The following GPR158 variants were observed in gnomAD, a reference collection of about 807,000 sequenced individuals.
GPR158 encodes the protein metabotropic glycine receptor.
A neutral mutation model predicts 78.2 loss-of-function variants in GPR158; 30 were observed. The ratio of observed to expected loss-of-function variants is 0.38; its 90% CI spans 0.29 to 0.52. The LOEUF (loss-of-function observed/expected upper bound fraction) is 0.52, where lower values mean the gene tolerates loss of function less well. GPR158 is among the 20% of genes least tolerant of loss of function. GPR158 has a pLI of 0.83. For missense variants in GPR158, 1,463 were observed against 1,523.5 expected (o/e 0.96, Z 0.66); for synonymous variants, 581 against 591.1 (o/e 0.98, Z 0.25).
At chr10:25,187,130 ATT>A (rs945196551) in intron 1 of GPR158, among the ~76,000 whole-genome samples, 2 of 151,120 alleles carry the variant, frequency 1.3e-5, no homozygotes, top group African/African-American at 4.9e-5. Context: ...ACGCCCGGCT[ATT>A]TTTTTTGTAT....
At chr10:25,535,974 C>T (rs2130698374) in intron 5 of GPR158, among the ~76,000 whole-genome samples, 1 of 152,274 alleles carries the variant, frequency 6.6e-6, no homozygotes, top group African/African-American at 2.4e-5. Context: ...AGTGCATCCA[C>T]ACTGTGTCCC....
intron 5 of GPR158, among the ~76,000 whole-genome samples, chr10:25,498,473 T>C (rs1009450857): frequency 6.6e-6 from 1 of 152,142 alleles, no homozygotes; most frequent in Non-Finnish European, 1.5e-5. Flanking sequence ...GGATACTTAC[T>C]GTGATTGGTC....
chr10:25,235,978 G>A (rs1327018279), intron 2 of GPR158, among the ~76,000 whole-genome samples: 1 of 152,064 alleles, frequency 6.6e-6, no homozygotes, highest in African/African-American at 2.4e-5. Flanking sequence ...TTACAGGCGT[G>A]AGCCACTGCG....
chr10:25,321,739 T>C (rs1376016459), intron 2 of GPR158, among the ~76,000 whole-genome samples: 2 of 152,160 alleles, frequency 1.3e-5, no homozygotes, highest in African/African-American at 2.4e-5. Flanking sequence ...TTTTTTTTCA[T>C]TGAGCCTGCC....
In GPR158 at chr10:25,415,116, G is replaced by A. The variant is rs1039172201; in HGVS notation, c.1335+2643G>A. On this transcript the variant is annotated intron_variant, in intron 4 of 10. Transcript: ENST00000376351. ...TTGACATAAATCTTCATGACCTTCA[G>A]TTAAGCAGTGGGTTCTTAGATATGA... Among the ~76,000 whole-genome samples the A allele has an allele frequency of 4.1e-4, 62 of 152,182 alleles. 1 individual carries two copies. The highest frequency in any genetic ancestry group is 3.7e-3 in the Admixed American group (56 of 15,286).
At chr10:25,186,399 A>G (rs1852685755) in intron 1 of GPR158, among the ~76,000 whole-genome samples, 1 of 152,190 alleles carries the variant, frequency 6.6e-6, no homozygotes, top group African/African-American at 2.4e-5. Context: ...AGATAGAGAC[A>G]CAAAAAACCC....
At chr10:25,352,915 T>A (rs1588818104) in intron 2 of GPR158, among the ~76,000 whole-genome samples, 1 of 152,150 alleles carries the variant, frequency 6.6e-6, no homozygotes, top group Non-Finnish European at 1.5e-5. Context: ...ATTAAATATA[T>A]GCTCAGAAAA....
chr10:25,548,573 G>A (rs923057425), intron 5 of GPR158, among the ~76,000 whole-genome samples: 2 of 152,028 alleles, frequency 1.3e-5, no homozygotes, highest in Non-Finnish European at 2.9e-5. Flanking sequence ...TTACAAATGG[G>A]ACAACTGAAG....
intron 2 of GPR158, among the ~76,000 whole-genome samples, chr10:25,265,239 G>A (rs973244885): frequency 2.1e-4 from 32 of 152,216 alleles, no homozygotes; most frequent in African/African-American, 6.3e-4. Flanking sequence ...AACAGACAAC[G>A]GGCTGTGAAC....
At chr10:25,542,874 G>A (rs1403577209) in intron 5 of GPR158, among the ~76,000 whole-genome samples, 1 of 148,918 alleles carries the variant, frequency 6.7e-6, no homozygotes, top group African/African-American at 2.5e-5. Flanking sequence ...TATTTGAGAA[G>A]TCTAATAGTC....
chr10:25,550,484 C>A (rs1836712923), intron 5 of GPR158, among the ~76,000 whole-genome samples: 1 of 152,066 alleles, frequency 6.6e-6, no homozygotes, highest in Non-Finnish European at 1.5e-5. Context: ...GAACAATCGG[C>A]TCTGGGGGGA....
intron 4 of GPR158, among the ~76,000 whole-genome samples, chr10:25,415,447 G>A (rs1445699032): frequency 2.6e-5 from 4 of 152,048 alleles, no homozygotes; most frequent in South Asian, 2.1e-4. Flanking sequence ...TTAGGAAAAC[G>A]CAACTCAAAC....
At chr10:25,416,044 T>C (rs1834654755) in intron 4 of GPR158, among the ~76,000 whole-genome samples, 2 of 152,060 alleles carry the variant, frequency 1.3e-5, no homozygotes, top group Admixed American at 1.3e-4. Context: ...TTTAAAGGAG[T>C]TTACATATTA....
At chr10:25,253,258 A>G (rs963985847) in intron 2 of GPR158, among the ~76,000 whole-genome samples, 2 of 152,250 alleles carry the variant, frequency 1.3e-5, no homozygotes, top group Non-Finnish European at 2.9e-5. Flanking sequence ...ATGGAAATGC[A>G]GAAATCACCG....
Position 25,386,669 on chromosome 10 carries a change from TG to T in GPR158, c.1009-9240del, listed in dbSNP as rs770022516. Among the ~76,000 whole-genome samples the T allele has an allele frequency of 3.9e-5, 6 of 152,324 alleles. No homozygotes were observed. In the East Asian group the frequency reaches 7.7e-4, roughly 20 times the overall value. On this transcript the variant is annotated intron_variant, in intron 2 of 10. Transcript: ENST00000376351. The stretch of plus-strand genomic sequence containing the variant: ...TCAGAGTATACTTCTTTCACCTTCT[TG>T]GTTACTCCTAATCATTTTATTCTTT...
intron 2 of GPR158, among the ~76,000 whole-genome samples, chr10:25,245,803 AT>A (rs1238647802): frequency 1.3e-5 from 2 of 152,176 alleles, no homozygotes; most frequent in Non-Finnish European, 2.9e-5. Context: ...AATAATGCTA[AT>A]TGTGCAATCA....
intron 7 of GPR158, among the ~76,000 whole-genome samples, chr10:25,580,325 A>G (rs1035754459): frequency 6.6e-6 from 1 of 152,208 alleles, no homozygotes; most frequent in Non-Finnish European, 1.5e-5. Context: ...CTTTATTGAC[A>G]TGCTTTTCTC....
At chr10:25,579,139 T>A (rs1326392003) in intron 7 of GPR158, among the ~76,000 whole-genome samples, 1 of 151,902 alleles carries the variant, frequency 6.6e-6, no homozygotes, top group Non-Finnish European at 1.5e-5. Context: ...AGTACAACTG[T>A]ACGACTGTCA....
chr10:25,482,570 C>G (rs186226695), intron 5 of GPR158, among the ~76,000 whole-genome samples: 2 of 152,232 alleles, frequency 1.3e-5, no homozygotes, highest in East Asian at 3.9e-4. Context: ...TGTAAGAATT[C>G]TCTGTCTCCC....
Sources: gnomAD v4.1 joint callset for allele counts (sites outside exome capture counted in the v4.1 genomes callset) on GRCh38, gnomAD v4.1.1 for gene constraint, MANE v1.5 for transcripts, NCBI Gene and HGNC (gene_info 2026-07-23, HGNC 2026-07-21) for gene names.